The following IL7 variants were observed in gnomAD, a reference collection of about 807,000 sequenced individuals.
The protein encoded by IL7 is interleukin 7, also known as interleukin-7.
A neutral mutation model predicts 21.6 loss-of-function variants in IL7; 3 were observed. That is an observed-to-expected ratio of 0.14 (90% CI 0.06 to 0.36). IL7 has a LOEUF of 0.36. Among genes scored for constraint, IL7 ranks in the 10% least tolerant of loss-of-function variants. The pLI, the probability that IL7 is intolerant of heterozygous loss-of-function variation, is 1.00. For synonymous variants in IL7, 62 were observed against 68.1 expected (o/e 0.91, Z 0.44); for missense variants, 175 against 200.2 (o/e 0.87, Z 0.76).
At chr8:78,799,797 C>T (rs1259447911) in intron 1 of IL7, among the ~76,000 whole-genome samples, 1 of 152,104 alleles carries the variant, frequency 6.6e-6, no homozygotes, top group Non-Finnish European at 1.5e-5. Context: ...CTATTGATAA[C>T]ATGTAATCAC....
At chr8:78,800,514 G>T (rs1315797285) in intron 1 of IL7, among the ~76,000 whole-genome samples, 4 of 152,050 alleles carry the variant, frequency 2.6e-5, no homozygotes, top group African/African-American at 9.7e-5. Flanking sequence ...TGTACAGACT[G>T]GTCTTGAACT....
chr8:78,685,672 C>T lies in IL7; in HGVS notation n.273+217G>A, dbSNP rs190236135. On this transcript the variant is annotated intron_variant and non_coding_transcript_variant, in intron 4 of 4. Transcript: ENST00000523959. ...ATTCTTAGTAATTTAAAAAGGTGCT[C>T]AGTCTCAATCATTATAAGAGAAAAT... Among the ~76,000 whole-genome samples the T allele has an allele frequency of 1.8e-3, 271 of 152,248 alleles. 1 individual carries two copies. The highest frequency in any genetic ancestry group is 6.2e-3 in the African/African-American group (257 of 41,556).
At chr8:78,771,201 T>A (rs1484114740) in intron 2 of IL7, among the ~76,000 whole-genome samples, 2 of 139,514 alleles carry the variant, frequency 1.4e-5, no homozygotes, top group East Asian at 3.9e-4. Flanking sequence ...TTTCATTGCA[T>A]ATCATTCCTA....
chr8:78,755,147 T>C (rs1342873497), intron 2 of IL7, among the ~76,000 whole-genome samples: 1 of 152,088 alleles, frequency 6.6e-6, no homozygotes, highest in Non-Finnish European at 1.5e-5. Context: ...TGTAAATACA[T>C]TGATTTATTT....
intron 3 of IL7, among the ~76,000 whole-genome samples, chr8:78,688,018 G>A (rs1313005017): frequency 6.8e-6 from 1 of 148,072 alleles, no homozygotes; most frequent in East Asian, 1.9e-4. Context: ...GCATGGCTGT[G>A]TTTCCGTAAA....
At chr8:78,736,336 C>T (rs1811595257) in intron 5 of IL7, 138 bp downstream of exon 5, 2 of 502,750 alleles carry the variant, frequency 4.0e-6, no homozygotes, top group East Asian at 3.3e-5. Context: ...AGGGGCACCT[C>T]GCTTCTCCTT....
Position 78,738,594 on chromosome 8 carries a change from T to C in IL7, c.270A>G (p.Gln90=), listed in dbSNP as rs1811672502. ...CACCAGTGCTATTCATTTTAAGAAA[T>C]TGCCTCAACTTGCGAGCAGCACGGA... is the stretch of plus-strand genomic sequence containing the variant. ...FLFRAARKLR[Q]FLKMNSTGDF... is the part of the protein sequence containing the mutation. The change falls in exon 4 of 6, where the codon CAA becomes CAG. Residue 90 remains glutamine (Q), a synonymous_variant. Transcript: ENST00000263851. 6.2e-7 allele frequency: 1 copy of C among 1,613,770 alleles called. No homozygotes were observed. Among genetic ancestry groups the C allele is most frequent in the African/African-American group, 1.3e-5 (1 of 75,024 alleles).
intron 2 of IL7, among the ~76,000 whole-genome samples, chr8:78,797,273 C>T (rs1014221955): frequency 6.6e-5 from 10 of 151,872 alleles, no homozygotes; most frequent in Middle Eastern, 3.4e-3. Flanking sequence ...AAGGATGAGT[C>T]GGTGGATAGG....
intron 3 of IL7, among the ~76,000 whole-genome samples, chr8:78,696,627 A>G (rs1810424292): frequency 6.6e-6 from 1 of 152,214 alleles, no homozygotes; most frequent in Non-Finnish European, 1.5e-5. Context: ...GTAGAGAAAT[A>G]TAAAAATCCA....
rs181209362 is a variant in IL7 at position 78,735,646 on chromosome 8, C to G, written c.414+828G>C. On this transcript the variant is annotated intron_variant, in intron 5 of 5. Coordinates refer to ENST00000263851, the MANE Select transcript of IL7 (RefSeq NM_000880.4). ...CTTTCCAAATTCTCTTAGTGAAAAG[C>G]CTTCAGGGTGATTATATTGCTTTTA... Among the ~76,000 whole-genome samples, 73 of 152,204 alleles carry G rather than the reference C, an allele frequency of 4.8e-4. No individual in the cohort carries two copies. The East Asian group carries it at 8.3e-3, about 17-fold the overall frequency.
chr8:78,740,160 C>T, intron 2 of IL7, 78 bp from the exon 3 acceptor site: 1 of 813,016 alleles, frequency 1.2e-6, no homozygotes, highest in East Asian at 3.8e-5. Context: ...AAATAATAAT[C>T]TTATAATATC....
chr8:78,713,948 A>G (rs541345331), downstream of IL7, among the ~76,000 whole-genome samples: 1 of 152,254 alleles, frequency 6.6e-6, no homozygotes, highest in South Asian at 2.1e-4. Context: ...AAAATAGTGG[A>G]TGTTGTTATT....
intron 3 of IL7, among the ~76,000 whole-genome samples, chr8:78,724,972 G>A (rs894132003): frequency 2.6e-5 from 4 of 151,908 alleles, no homozygotes; most frequent in Non-Finnish European, 5.9e-5. Context: ...AAATTATTTT[G>A]ATTTGTGATG....
intron 2 of IL7, among the ~76,000 whole-genome samples, chr8:78,769,321 G>A (rs1250851270): frequency 6.6e-6 from 1 of 152,086 alleles, no homozygotes; most frequent in Non-Finnish European, 1.5e-5. Flanking sequence ...AAGCTGATAG[G>A]CAACTTCAGC....
Position 78,738,526 on chromosome 8 carries a change from ATTG to A in IL7, c.335_337del (p.Thr112del), listed in dbSNP as rs764195124. 1.9e-6 allele frequency: 3 copies of A among 1,613,664 alleles called. No individual in the cohort carries two copies. The highest frequency in any genetic ancestry group is 2.2e-5 in the East Asian group (1 of 44,844). ...TACCTGGCCAGTGCAGTTCAACAGT[ATTG>A]TTGTGCCTTCTGAAACTTTTAATAA... On this transcript the variant is annotated inframe_deletion, in exon 4 of 6. Transcript: ENST00000263851.
At chr8:78,720,144 G>T (rs1811209805) in intron 5 of IL7, among the ~76,000 whole-genome samples, 1 of 151,724 alleles carries the variant, frequency 6.6e-6, no homozygotes, top group Admixed American at 6.6e-5. Flanking sequence ...AAATTAAAAA[G>T]GAATTTAGTG....
At chr8:78,750,116 A>G (rs913608461) in intron 2 of IL7, among the ~76,000 whole-genome samples, 4 of 152,124 alleles carry the variant, frequency 2.6e-5, no homozygotes, top group African/African-American at 9.7e-5. Flanking sequence ...ATTTTACCAG[A>G]GCCTAACCTT....
intron 3 of IL7, among the ~76,000 whole-genome samples, chr8:78,703,586 A>C (rs1313784416): frequency 6.7e-6 from 1 of 149,752 alleles, no homozygotes; most frequent in Non-Finnish European, 1.5e-5. Flanking sequence ...GTTTTATCAG[A>C]AATTAGGAGT....
chr8:78,804,503 C>T (rs1220796755), intron 1 of IL7, among the ~76,000 whole-genome samples: 1 of 152,294 alleles, frequency 6.6e-6, no homozygotes, highest in African/African-American at 2.4e-5. Context: ...CTGCAAGAGC[C>T]CAGCTACTCG....
Sources: allele counts gnomAD v4.1 joint callset (sites outside exome capture counted in the v4.1 genomes callset), GRCh38; gene constraint gnomAD v4.1.1; transcripts MANE v1.5; gene names NCBI Gene and HGNC (gene_info 2026-07-23, HGNC 2026-07-21).